Variants in WWP2 observed in about 807,000 individuals in gnomAD.
WWP2 encodes the protein WW domain containing E3 ubiquitin protein ligase 2.
In WWP2, 57 loss-of-function variants were observed where a neutral mutation model predicts 121.0. That is an observed-to-expected ratio of 0.47 (90% confidence interval 0.38 to 0.59). The LOEUF is 0.59. Among genes scored for constraint, WWP2 ranks in the 20% least tolerant of loss-of-function variants. The pLI is 0.00. For missense variants in WWP2, 962 were observed against 1,158.9 expected, an observed-to-expected ratio of 0.83 and a Z score of 2.47; for synonymous variants, 449 against 441.3, an observed-to-expected ratio of 1.02 and a Z score of -0.22.
chr16:69,762,666 G>A (rs1567649304), intron 1 of WWP2, among the ~76,000 whole-genome samples: 1 of 152,142 alleles, frequency 6.6e-6, no homozygotes, highest in Admixed American at 6.5e-5. Context: ...GAGTCCTCCC[G>A]GAAGGGGAGA....
At chr16:69,933,023 G>C (rs113500623) in intron 16 of WWP2, 2 of 477,580 alleles carry the variant, frequency 4.2e-6, no homozygotes, top group South Asian at 1.5e-5. Context: ...CCTTTTTTCC[G>C]TGGTGACCTC....
chr16:69,804,207 T>TTTTCAGCATTTTC (rs1186933267), intron 4 of WWP2, among the ~76,000 whole-genome samples: 2 of 152,050 alleles, frequency 1.3e-5, no homozygotes, highest in African/African-American at 4.8e-5. Context: ...ACCCTTTATG[T>TTTTCAGCATTTTC]TTTCAGCATT....
At chr16:69,782,980 A>G (rs1184348756) in intron 1 of WWP2, 1 of 141,078 alleles carries the variant, frequency 7.1e-6, no homozygotes, top group Non-Finnish European at 1.5e-5. Flanking sequence ...CTGTAACTAT[A>G]TTTAATTCTC....
At chr16:69,792,610 T>TAC (rs2055937207) in intron 2 of WWP2, among the ~76,000 whole-genome samples, 2 of 152,242 alleles carry the variant, frequency 1.3e-5, no homozygotes, top group African/African-American at 4.8e-5. Flanking sequence ...CAACTCCACA[T>TAC]TAAGCAGATG....
chr16:69,873,464 G>C (rs2057679121), intron 7 of WWP2, among the ~76,000 whole-genome samples: 1 of 152,226 alleles, frequency 6.6e-6, no homozygotes, highest in South Asian at 2.1e-4. Context: ...CCTTGGGGAA[G>C]AGGAGGAGCT....
At chr16:69,797,530 A>G (rs1186473749) in intron 2 of WWP2, among the ~76,000 whole-genome samples, 1 of 152,142 alleles carries the variant, frequency 6.6e-6, no homozygotes, top group Non-Finnish European at 1.5e-5. Flanking sequence ...ATGTATGCAC[A>G]TGGCAGAGGG....
At chr16:69,765,234 A>C in intron 1 of WWP2, among the ~76,000 whole-genome samples, 1 of 151,866 alleles carries the variant, frequency 6.6e-6, no homozygotes, top group Non-Finnish European at 1.5e-5. Flanking sequence ...AAAAAGTTTC[A>C]CCTTTTTGTC....
At chr16:69,820,221 G>T (rs2056567567) in intron 4 of WWP2, among the ~76,000 whole-genome samples, 1 of 152,004 alleles carries the variant, frequency 6.6e-6, no homozygotes, top group Non-Finnish European at 1.5e-5. Flanking sequence ...TGACAGAGTG[G>T]GACCCCTGTC....
chr16:69,874,693 T>G (rs1434021703), intron 7 of WWP2, among the ~76,000 whole-genome samples: 1 of 152,186 alleles, frequency 6.6e-6, no homozygotes, highest in Non-Finnish European at 1.5e-5. Flanking sequence ...ACTTGCTAAT[T>G]CTTTATTGAA....
At chr16:69,793,514 G>GT (rs1257466308) in intron 2 of WWP2, among the ~76,000 whole-genome samples, 1 of 152,068 alleles carries the variant, frequency 6.6e-6, no homozygotes, top group Non-Finnish European at 1.5e-5. Flanking sequence ...AATTTGACAG[G>GT]TAGGGGACTA....
rs1452811403 is a variant in WWP2 at position 69,935,776 on chromosome 16, A to G, written c.1843-77A>G. ...AGGCGGGTAGCGGTAGCAGAGTTTG[A>G]TACCGAGCATCTGAGAGCTGGTCTT... On this transcript the variant is annotated intron_variant, in intron 17 of 23. Coordinates refer to ENST00000359154, the MANE Select transcript of WWP2 (RefSeq NM_001270454.2). The surrounding 1 kb of genome is among the most constrained non-coding windows in gnomAD (Gnocchi z 5.2). The G allele has an allele frequency of 2.0e-5, 30 of 1,534,240 alleles. No homozygotes were observed. The highest frequency in any genetic ancestry group is 2.4e-5 in the Non-Finnish European group (27 of 1,142,150).
At chr16:69,851,544 T>C (rs1236844152) in intron 6 of WWP2, among the ~76,000 whole-genome samples, 1 of 152,232 alleles carries the variant, frequency 6.6e-6, no homozygotes, top group African/African-American at 2.4e-5. Context: ...TTTCATTGTC[T>C]GCATGTACCA....
chr16:69,775,306 C>T (rs1410233637), intron 1 of WWP2, among the ~76,000 whole-genome samples: 1 of 152,120 alleles, frequency 6.6e-6, no homozygotes, highest in Non-Finnish European at 1.5e-5. Flanking sequence ...CTTTCATAGG[C>T]TTTATGACCT....
intron 7 of WWP2, among the ~76,000 whole-genome samples, chr16:69,880,533 G>A (rs1055681672): frequency 2.0e-5 from 3 of 152,046 alleles, no homozygotes; most frequent in Non-Finnish European, 4.4e-5. Flanking sequence ...TATACACCGG[G>A]GAAGGATTTT....
At chr16:69,908,681 G>A (rs2058335373) in intron 8 of WWP2, 80 bp from the exon 9 acceptor site, 2 of 1,567,170 alleles carry the variant, frequency 1.3e-6, no homozygotes, top group Non-Finnish European at 1.7e-6. Context: ...AGCCACATGA[G>A]TGATGAAGGT....
chr16:69,938,838 A>G (rs1410555961), intron 21 of WWP2, among the ~76,000 whole-genome samples, 189 bp from the exon 22 acceptor site: 1 of 152,236 alleles, frequency 6.6e-6, no homozygotes, highest in African/African-American at 2.4e-5. Flanking sequence ...TGGGAATCTC[A>G]TGCACACACA....
intron 6 of WWP2, among the ~76,000 whole-genome samples, chr16:69,846,327 A>G (rs928254725): frequency 2.6e-5 from 4 of 152,226 alleles, no homozygotes; most frequent in African/African-American, 9.6e-5. Flanking sequence ...CAGGTCATAG[A>G]AAACAGTACC....
intron 12 of WWP2, 137 bp from the exon 13 acceptor site, chr16:69,929,993 A>T: frequency 7.5e-7 from 1 of 1,330,706 alleles, no homozygotes; most frequent in Non-Finnish European, 1.0e-6. Context: ...GACTTGGGTC[A>T]TGCTTCTTGG....
chr16:69,798,697 C>G lies in WWP2; in HGVS notation c.86C>G (p.Pro29Arg). Residue 29 changes from proline to arginine, a missense_variant, in exon 3 of 24, where the codon CCC (proline) becomes CGC (arginine). By Grantham distance (103) the Pro-to-Arg change is moderately radical. Transcript: ENST00000359154. ...TCTCTCCCAGTGGTGTCCGCAAAGC[C>G]CAAGGTGCATAATCGTCAACCTCGA... ...QLTLKVVSAK[P>R]KVHNRQPRIN... 1 of 1,613,854 alleles carries G rather than the reference C, an allele frequency of 6.2e-7. No homozygotes were observed. Among genetic ancestry groups the G allele is most frequent in the Non-Finnish European group, 8.5e-7 (1 of 1,179,968 alleles).
Sources: allele counts gnomAD v4.1 joint callset (sites outside exome capture counted in the v4.1 genomes callset), GRCh38; gene constraint gnomAD v4.1.1; non-coding constraint Gnocchi (gnomAD v3.1); transcripts MANE v1.5; gene names NCBI Gene and HGNC (gene_info 2026-07-23, HGNC 2026-07-21).